The following NLRP14 variants were observed in gnomAD, a reference collection of about 807,000 sequenced individuals.
NLRP14 encodes the protein NLR family pyrin domain containing 14, also known as NACHT, LRR and PYD domains-containing protein 14.
NLRP14 carries 105 observed loss-of-function variants against 94.7 expected under a neutral mutation model. That is an observed-to-expected ratio of 1.11 (90% CI 0.95 to 1.30). The LOEUF is 1.30. NLRP14 is among the 50% of genes most tolerant of loss of function. NLRP14 has a pLI of 0.00. For synonymous variants in NLRP14, 508 were observed against 459.9 expected, an observed-to-expected ratio of 1.10 and a Z score of -1.34; for missense variants, 1,362 against 1,254.1, an observed-to-expected ratio of 1.09 and a Z score of -1.30.
chr11:7,044,564 G>A (rs1852323200), intron 4 of NLRP14, among the ~76,000 whole-genome samples: 1 of 152,120 alleles, frequency 6.6e-6, no homozygotes, highest in Non-Finnish European at 1.5e-5. Context: ...ATAAGAAATA[G>A]TAGGTGCTAA....
intron 10 of NLRP14, among the ~76,000 whole-genome samples, chr11:7,069,596 A>G (rs1052023980): frequency 2.0e-5 from 3 of 151,744 alleles, no homozygotes; most frequent in African/African-American, 4.8e-5. Flanking sequence ...CAATGGCATG[A>G]TGCTAGAGAC....
the NLRP14 span, among the ~76,000 whole-genome samples, chr11:7,082,803 C>T: frequency 6.6e-6 from 1 of 152,186 alleles, no homozygotes; most frequent in Non-Finnish European, 1.5e-5. Context: ...CTACCATTCA[C>T]ATAGGGAGCG....
At chr11:7,090,670 A>G in the NLRP14 span, 1 of 325,062 alleles carries the variant, frequency 3.1e-6, no homozygotes, top group Non-Finnish European at 6.1e-6. Flanking sequence ...AAATGGAAAA[A>G]CGGATCATTC....
At chr11:7,064,361 C>T (rs779772903) in intron 10 of NLRP14, among the ~76,000 whole-genome samples, 40 of 151,990 alleles carry the variant, frequency 2.6e-4, no homozygotes, top group African/African-American at 7.2e-4. Context: ...CAAACCAGGC[C>T]GAGGGTCAGT....
Position 7,040,173 on chromosome 11 carries a change from C to G in NLRP14, c.361+388C>G, listed in dbSNP as rs188083518. 1.2e-4 allele frequency among the ~76,000 whole-genome samples: 19 copies of G among 152,260 alleles called. No individual in the cohort carries two copies. The East Asian group carries it at 3.7e-3, about 29-fold the overall frequency. ...GGTGACCAACTGGTTCATATAAAAA[C>G]TGATTTCTAGAACCAGGTCTTCTCA... On this transcript the variant is annotated intron_variant, in intron 3 of 11. Coordinates refer to ENST00000299481, the MANE Select transcript of NLRP14 (RefSeq NM_176822.4).
At chr11:7,035,504 C>A (rs1565012551) in intron 1 of NLRP14, among the ~76,000 whole-genome samples, 3 of 152,130 alleles carry the variant, frequency 2.0e-5, no homozygotes, top group Admixed American at 6.5e-5. Flanking sequence ...ATGAATGCTG[C>A]TCAACATCAT....
rs554833444 is a variant in NLRP14, at chr11:7,034,770, C to T, written c.-21-3796C>T. Among the ~76,000 whole-genome samples, 76 of 152,242 alleles carry T rather than the reference C, an allele frequency of 5.0e-4. No individual in the cohort carries two copies. In the South Asian group the frequency reaches 0.016, roughly 32 times the overall value. On this transcript the variant is annotated intron_variant, in intron 1 of 11. Coordinates refer to ENST00000299481, the MANE Select transcript of NLRP14 (RefSeq NM_176822.4). ...GAATATTCTTTGCTGTTTTCTCCTC[C>T]CTGGTTTGAAGTATTAATGATGTAC...
chr11:7,054,216 A>C (rs1297351236), intron 6 of NLRP14, among the ~76,000 whole-genome samples: 1 of 152,102 alleles, frequency 6.6e-6, no homozygotes, highest in African/African-American at 2.4e-5. Context: ...TTTGATGGAC[A>C]TTTAGGTTGC....
intron 6 of NLRP14, among the ~76,000 whole-genome samples, chr11:7,056,697 G>T (rs1326675564): frequency 6.6e-6 from 1 of 151,932 alleles, no homozygotes; most frequent in South Asian, 2.1e-4. Context: ...TTGCTTCCAA[G>T]ATTTGGAAGC....
chr11:7,038,216 T>C (rs537041121), intron 1 of NLRP14, among the ~76,000 whole-genome samples: 102 of 152,142 alleles, frequency 6.7e-4, no homozygotes, highest in Non-Finnish European at 1.3e-3. Flanking sequence ...CCCTATCTTA[T>C]TTGATCCATA....
At chr11:7,085,345 T>C in the NLRP14 span, among the ~76,000 whole-genome samples, 1 of 152,230 alleles carries the variant, frequency 6.6e-6, no homozygotes, top group East Asian at 1.9e-4. Context: ...AACTTTTTCA[T>C]CCTGCAAAGC....
At position 7,020,605 on chromosome 11, in the gene NLRP14, T is replaced by A. The variant is rs1011413492; in HGVS notation, c.-187T>A. The A allele has an allele frequency of 1.3e-5, 2 of 152,290 alleles. No individual in the cohort carries two copies. Among genetic ancestry groups the A allele is most frequent in the African/African-American group, 4.8e-5 (2 of 41,448 alleles). 9.4% of individuals were successfully genotyped at this position (152,290 alleles called of 1,614,324 possible). A position where few individuals can be genotyped will look rare whatever the true frequency, so the allele number is the denominator to read the frequency against. ...AAGGGGGCGTGGCTGGAAACGGAGC[T>A]ACTGGCTTCGGAGAATTCTGTGACC... On this transcript the variant is annotated 5_prime_UTR_variant, in exon 1 of 12. Coordinates refer to ENST00000299481, the MANE Select transcript of NLRP14 (RefSeq NM_176822.4).
intron 2 of NLRP14, 120 bp downstream of exon 2, chr11:7,038,995 A>G (rs1044616494): frequency 4.5e-6 from 4 of 892,642 alleles, no homozygotes; most frequent in Non-Finnish European, 4.8e-6. Context: ...CATAAGCTCC[A>G]TGGTGGTCTT....
At chr11:7,090,481 T>G in the NLRP14 span, 1 of 815,252 alleles carries the variant, frequency 1.2e-6, no homozygotes, top group Non-Finnish European at 2.0e-6. Context: ...ATTCGTTTAG[T>G]TTAGTTTTGG....
intron 1 of NLRP14, among the ~76,000 whole-genome samples, chr11:7,031,513 A>T (rs76316896): frequency 0.072 from 10,986 of 152,202 alleles, 514 homozygotes; most frequent in Middle Eastern, 0.13. Flanking sequence ...CATTTGTCAA[A>T]TTCCAAAGAG....
intron 6 of NLRP14, among the ~76,000 whole-genome samples, chr11:7,051,458 C>T (rs532167931): frequency 2.0e-5 from 3 of 152,224 alleles, no homozygotes; most frequent in South Asian, 4.2e-4. Flanking sequence ...TGGGCAGTGT[C>T]GATACATCAG....
chr11:7,029,147 GA>G (rs1852055359), intron 1 of NLRP14, among the ~76,000 whole-genome samples: 1 of 152,150 alleles, frequency 6.6e-6, no homozygotes, highest in Non-Finnish European at 1.5e-5. Flanking sequence ...GGCCTATAAG[GA>G]AGTCTCTCAA....
At chr11:7,060,222 C>G (rs150663284) in intron 9 of NLRP14, among the ~76,000 whole-genome samples, 158 bp downstream of exon 9, 1,994 of 152,028 alleles carry the variant, frequency 0.013, 29 homozygotes, top group Middle Eastern at 0.068. Context: ...GAAGTCTGCT[C>G]ATCAGATTTC....
At chr11:7,088,746 G>A in the NLRP14 span, among the ~76,000 whole-genome samples, 1 of 151,980 alleles carries the variant, frequency 6.6e-6, no homozygotes, top group Non-Finnish European at 1.5e-5. Context: ...GGTAGCTTAG[G>A]TTTGGGATCA....
Sources: gnomAD v4.1 joint callset for allele counts (sites outside exome capture counted in the v4.1 genomes callset) on GRCh38, gnomAD v4.1.1 for gene constraint, MANE v1.5 for transcripts, NCBI Gene and HGNC (gene_info 2026-07-23, HGNC 2026-07-21) for gene names.